The following NALF1 variants were observed in gnomAD, a reference collection of about 807,000 sequenced individuals.
NALF1 encodes NALCN channel auxiliary factor 1.
NALF1 carries 3 observed loss-of-function variants against 48.4 expected under a neutral mutation model. The observed-to-expected ratio is 0.06, with a 90% CI of 0.03 to 0.16. The LOEUF is 0.16. Ranked by LOEUF, NALF1 falls within the 10% of genes least tolerant of loss-of-function variation. The probability of loss-of-function intolerance (pLI) is 1.00; values close to 1 mark genes in which losing one functional copy is unlikely to be tolerated. For missense variants in NALF1, 526 were observed against 571.5 expected (o/e 0.92, Z 0.81); for synonymous variants, 262 against 245.7 (o/e 1.07, Z -0.62).
intron 1 of NALF1, among the ~76,000 whole-genome samples, chr13:107,701,476 T>C (rs895980631): frequency 1.3e-5 from 2 of 151,830 alleles, no homozygotes; most frequent in African/African-American, 4.8e-5. Context: ...TATACAGAAA[T>C]AGAGAATAAA....
chr13:107,482,824 A>G (rs1885274044), intron 1 of NALF1, among the ~76,000 whole-genome samples: 1 of 152,182 alleles, frequency 6.6e-6, no homozygotes, highest in Non-Finnish European at 1.5e-5. Context: ...CCCTAGCCAT[A>G]CTGGCAACGT....
chr13:107,772,879 C>T (rs1223614319), intron 1 of NALF1, among the ~76,000 whole-genome samples: 1 of 152,092 alleles, frequency 6.6e-6, no homozygotes, highest in Non-Finnish European at 1.5e-5. Context: ...TGTATAAAAT[C>T]TCTACCATAT....
intron 1 of NALF1, among the ~76,000 whole-genome samples, chr13:107,257,409 T>G (rs1162276577): frequency 1.3e-5 from 2 of 152,110 alleles, no homozygotes; most frequent in African/African-American, 4.8e-5. Context: ...CCATCTAACA[T>G]ATTCTTAATA....
chr13:107,294,633 G>A (rs1022339235), intron 1 of NALF1, among the ~76,000 whole-genome samples: 1 of 152,038 alleles, frequency 6.6e-6, no homozygotes, highest in Non-Finnish European at 1.5e-5. Context: ...TACTCATATC[G>A]TCCCCATATT....
intron 1 of NALF1, among the ~76,000 whole-genome samples, chr13:107,663,210 G>C (rs1029636614): frequency 6.6e-6 from 1 of 152,192 alleles, no homozygotes; most frequent in African/African-American, 2.4e-5. Flanking sequence ...GTTCAACTGT[G>C]TTTGAAGGTG....
At chr13:107,207,164 AT>A (rs897621751) in intron 2 of NALF1, among the ~76,000 whole-genome samples, 1 of 152,018 alleles carries the variant, frequency 6.6e-6, no homozygotes, top group Non-Finnish European at 1.5e-5. Flanking sequence ...ACCTACTCTC[AT>A]TTTTTTATTT....
intron 1 of NALF1, among the ~76,000 whole-genome samples, chr13:107,852,730 T>A (rs993347222): frequency 6.6e-6 from 1 of 152,184 alleles, no homozygotes; most frequent in African/African-American, 2.4e-5. Context: ...AAAAGCCCCT[T>A]GGAAAATTAT....
intron 1 of NALF1, among the ~76,000 whole-genome samples, chr13:107,340,497 CT>C (rs1882657219): frequency 7.0e-6 from 1 of 143,530 alleles, no homozygotes; most frequent in South Asian, 2.2e-4. Context: ...TTTTGTCTTT[CT>C]TTCTTTCTTT....
chr13:107,638,560 A>C (rs1220760870), intron 1 of NALF1, among the ~76,000 whole-genome samples: 2 of 152,086 alleles, frequency 1.3e-5, no homozygotes, highest in African/African-American at 4.8e-5. Flanking sequence ...GATAAGGGAC[A>C]ATCACAAAGT....
chr13:107,622,835 T>C (rs1329912018), intron 1 of NALF1, among the ~76,000 whole-genome samples: 2 of 152,202 alleles, frequency 1.3e-5, no homozygotes, highest in African/African-American at 2.4e-5. Flanking sequence ...TAACTAGGCA[T>C]AGCAGTAGAA....
chr13:107,767,837 T>C lies in NALF1; in HGVS notation c.915+97845A>G, dbSNP rs11839060. On this transcript the variant is annotated intron_variant, in intron 1 of 2. Coordinates refer to ENST00000375915, the MANE Select transcript of NALF1 (RefSeq NM_001080396.3). ...CTGCTCTAGCATATACTTCAGGCCATTGCTAAATCTTTAAAGAGCGTTTCT... is the reference window on the plus strand; with the variant it reads ...CTGCTCTAGCATATACTTCAGGCCACTGCTAAATCTTTAAAGAGCGTTTCT... Among the ~76,000 whole-genome samples the C allele has an allele frequency of 5.2e-3, 786 of 152,290 alleles. 11 individuals carry two copies. The highest frequency in any genetic ancestry group is 0.017 in the African/African-American group (726 of 41,564).
At chr13:107,502,175 T>A (rs1875546293) in intron 1 of NALF1, among the ~76,000 whole-genome samples, 1 of 152,136 alleles carries the variant, frequency 6.6e-6, no homozygotes, top group Admixed American at 6.5e-5. Flanking sequence ...AATACAAATA[T>A]GAGAAAAAAC....
chr13:107,238,463 T>C (rs781173733), intron 1 of NALF1, among the ~76,000 whole-genome samples: 24 of 152,142 alleles, frequency 1.6e-4, no homozygotes, highest in Admixed American at 2.6e-4. Flanking sequence ...CTCTGCTGAC[T>C]GGGGATGGCT....
chr13:107,571,995 C>G (rs924729712), intron 1 of NALF1, among the ~76,000 whole-genome samples: 4 of 152,052 alleles, frequency 2.6e-5, no homozygotes, highest in Admixed American at 6.6e-5. Flanking sequence ...ACAAAGTATT[C>G]TCAATGCTTC....
intron 1 of NALF1, among the ~76,000 whole-genome samples, chr13:107,533,932 G>A (rs889130688): frequency 6.6e-6 from 1 of 152,038 alleles, no homozygotes. Flanking sequence ...TGGGGAGGGG[G>A]AGAGACAAAA....
At chr13:107,512,252 G>A (rs915971860) in intron 1 of NALF1, among the ~76,000 whole-genome samples, 1 of 152,276 alleles carries the variant, frequency 6.6e-6, no homozygotes, top group Admixed American at 6.5e-5. Flanking sequence ...AAATTAGCCA[G>A]GCGAGGTAGC....
chr13:107,322,864 A>G (rs769245063), intron 1 of NALF1, among the ~76,000 whole-genome samples: 1 of 152,146 alleles, frequency 6.6e-6, no homozygotes, highest in African/African-American at 2.4e-5. Flanking sequence ...CTGCTCCAAC[A>G]GTAACATTTG....
intron 1 of NALF1, among the ~76,000 whole-genome samples, chr13:107,305,041 A>G (rs1395727206): frequency 1.3e-5 from 2 of 152,230 alleles, no homozygotes; most frequent in Admixed American, 6.5e-5. Flanking sequence ...AGTTTTCAGA[A>G]TAACAGTTGC....
intron 1 of NALF1, among the ~76,000 whole-genome samples, chr13:107,411,067 T>C (rs1330529056): frequency 6.6e-6 from 1 of 152,096 alleles, no homozygotes; most frequent in Non-Finnish European, 1.5e-5. Context: ...GATGTGGAAA[T>C]AATACGTTTC....
Sources: gnomAD v4.1 joint callset for allele counts (sites outside exome capture counted in the v4.1 genomes callset) on GRCh38, gnomAD v4.1.1 for gene constraint, MANE v1.5 for transcripts, NCBI Gene and HGNC (gene_info 2026-07-23, HGNC 2026-07-21) for gene names.